Variants in FRYL observed in about 807,000 individuals in gnomAD.
The protein encoded by FRYL is FRY like transcription coactivator.
FRYL carries 150 observed loss-of-function variants against 351.2 expected under a neutral mutation model. That is an observed-to-expected ratio of 0.43 (90% confidence interval 0.37 to 0.49). FRYL has a LOEUF of 0.49. FRYL is among the 20% of genes least tolerant of loss of function. The probability of loss-of-function intolerance (pLI) is 0.00; values close to 1 mark genes in which losing one functional copy is unlikely to be tolerated. For synonymous variants in FRYL, 1,153 were observed against 1,257.1 expected, an observed-to-expected ratio of 0.92 and a Z score of 1.75; for missense variants, 3,036 against 3,619.3, an observed-to-expected ratio of 0.84 and a Z score of 4.13.
chr4:48,522,891 A>T lies in FRYL; in HGVS notation c.7521+10T>A. The T allele has an allele frequency of 6.2e-7, 1 of 1,604,772 alleles. No homozygotes were observed. The highest frequency in any genetic ancestry group is 8.5e-7 in the Non-Finnish European group (1 of 1,171,572). ...ACCAAATGTCACTGTAAGAAAAGTG[A>T]ATTGTATACCATCTGTGTGCGTGAG... On this transcript the variant is annotated intron_variant, in intron 54 of 63. Coordinates refer to ENST00000358350, the MANE Select transcript of FRYL (RefSeq NM_015030.2).
chr4:48,733,864 A>T (rs1770999991), intron 1 of FRYL, among the ~76,000 whole-genome samples: 1 of 152,186 alleles, frequency 6.6e-6, no homozygotes, highest in East Asian at 1.9e-4. Flanking sequence ...TGCACATTGC[A>T]AACTCTCAGC....
intron 3 of FRYL, among the ~76,000 whole-genome samples, chr4:48,650,916 C>A (rs1434712722): frequency 6.6e-6 from 1 of 151,990 alleles, no homozygotes; most frequent in Non-Finnish European, 1.5e-5. Context: ...TGGTCAAGGA[C>A]CGAAAGGGGT....
chr4:48,552,674 T>A (rs1197364629), intron 36 of FRYL, among the ~76,000 whole-genome samples: 1 of 152,056 alleles, frequency 6.6e-6, no homozygotes. Context: ...TTCTAGCCGA[T>A]ATGAAAAATT....
intron 1 of FRYL, among the ~76,000 whole-genome samples, chr4:48,748,105 G>A (rs555762748): frequency 2.6e-5 from 4 of 152,106 alleles, no homozygotes; most frequent in African/African-American, 7.2e-5. Context: ...AATTAGCTGG[G>A]TGTGGTGGTG....
intron 53 of FRYL, among the ~76,000 whole-genome samples, chr4:48,526,109 G>A (rs989231532): frequency 1.1e-4 from 17 of 151,956 alleles, no homozygotes; most frequent in African/African-American, 2.9e-4. Context: ...GTATGTATAT[G>A]AGCTGATGAA....
At chr4:48,651,978 G>A (rs911825092) in intron 3 of FRYL, among the ~76,000 whole-genome samples, 6 of 152,232 alleles carry the variant, frequency 3.9e-5, no homozygotes, top group African/African-American at 1.4e-4. Context: ...TTCATGAGAT[G>A]TGTACTATGA....
chr4:48,552,301 C>A (rs1471616197), intron 36 of FRYL, among the ~76,000 whole-genome samples: 1 of 149,666 alleles, frequency 6.7e-6, no homozygotes. Flanking sequence ...ACACCCTCTG[C>A]AGGCAAATGA....
chr4:48,563,607 G>A (rs1166919792), intron 31 of FRYL, among the ~76,000 whole-genome samples: 1 of 151,892 alleles, frequency 6.6e-6, no homozygotes, highest in Admixed American at 6.6e-5. Context: ...CTACTCGGGA[G>A]GTTGAGGTGG....
intron 3 of FRYL, among the ~76,000 whole-genome samples, chr4:48,667,023 C>T (rs774289719): frequency 1.5e-4 from 23 of 152,198 alleles, no homozygotes; most frequent in Non-Finnish European, 2.1e-4. Flanking sequence ...GCTAGATAGA[C>T]TAATCCTCAT....
At chr4:48,702,854 T>C (rs971023275) in intron 2 of FRYL, among the ~76,000 whole-genome samples, 1 of 151,982 alleles carries the variant, frequency 6.6e-6, no homozygotes, top group Non-Finnish European at 1.5e-5. Context: ...ACATAAACTA[T>C]GATAAATCTT....
chr4:48,701,382 T>A (rs957984423), intron 2 of FRYL, among the ~76,000 whole-genome samples: 10 of 152,140 alleles, frequency 6.6e-5, no homozygotes, highest in African/African-American at 2.4e-4. Context: ...GGCAACACAA[T>A]GTATGCAGTA....
chr4:48,761,001 C>CTG (rs1491467108), intron 1 of FRYL, among the ~76,000 whole-genome samples: 21 of 132,268 alleles, frequency 1.6e-4, no homozygotes, highest in Non-Finnish European at 2.8e-4. Flanking sequence ...TCTATTATTA[C>CTG]TCTGTCTGTG....
At chr4:48,756,763 C>T (rs1442617327) in intron 1 of FRYL, among the ~76,000 whole-genome samples, 2 of 152,134 alleles carry the variant, frequency 1.3e-5, no homozygotes, top group Non-Finnish European at 2.9e-5. Flanking sequence ...GCCTAGGCAA[C>T]ACAGTAAGAC....
chr4:48,507,534 A>T (rs199773142), intron 59 of FRYL, among the ~76,000 whole-genome samples: 4 of 10,654 alleles, frequency 3.8e-4, no homozygotes, highest in African/African-American at 7.3e-4. Context: ...ACTCAAACAA[A>T]CAGTTAGTTA....
At chr4:48,711,123 C>A (rs1767949621) in intron 1 of FRYL, among the ~76,000 whole-genome samples, 2 of 152,190 alleles carry the variant, frequency 1.3e-5, no homozygotes, top group African/African-American at 4.8e-5. Flanking sequence ...GTCTACAGCT[C>A]CCAGCGGGAG....
chr4:48,644,859 C>T (rs1313294319), intron 3 of FRYL, among the ~76,000 whole-genome samples: 1 of 151,310 alleles, frequency 6.6e-6, no homozygotes, highest in African/African-American at 2.4e-5. Context: ...TAACCAAATA[C>T]AAATTTAAAA....
intron 2 of FRYL, among the ~76,000 whole-genome samples, chr4:48,708,517 T>A (rs1370922849): frequency 5.9e-5 from 9 of 152,108 alleles, no homozygotes; most frequent in Admixed American, 5.9e-4. Context: ...GCAATTCCAC[T>A]TCTAAGAACC....
chr4:48,588,895 T>C (rs1329669654), intron 18 of FRYL, among the ~76,000 whole-genome samples: 1 of 151,980 alleles, frequency 6.6e-6, no homozygotes, highest in South Asian at 2.1e-4. Flanking sequence ...ATACACTATA[T>C]AGGTGTCAGA....
intron 58 of FRYL, 50 bp from the exon 59 acceptor site, chr4:48,510,207 T>C (rs749469966): frequency 1.7e-4 from 226 of 1,340,708 alleles, no homozygotes; most frequent in Non-Finnish European, 5.3e-5. Flanking sequence ...ATTGAAATCA[T>C]GAGACTCACA....
Sources: gnomAD v4.1 joint callset for allele counts (sites outside exome capture counted in the v4.1 genomes callset) on GRCh38, gnomAD v4.1.1 for gene constraint, MANE v1.5 for transcripts, NCBI Gene and HGNC (gene_info 2026-07-23, HGNC 2026-07-21) for gene names.